The following ACOT7 variants were observed in gnomAD, a reference collection of about 807,000 sequenced individuals.
ACOT7 encodes the protein acyl-CoA thioesterase 7.
Under a neutral mutation model 40.2 loss-of-function variants are expected in ACOT7, and 12 were observed. The ratio of observed to expected loss-of-function variants is 0.30; its 90% CI spans 0.19 to 0.48. The LOEUF is 0.48. Among genes scored for constraint, ACOT7 ranks in the 20% least tolerant of loss-of-function variants. ACOT7 has a pLI of 0.99. For missense variants in ACOT7, 395 were observed against 530.8 expected, an observed-to-expected ratio of 0.74 and a Z score of 2.51; for synonymous variants, 228 against 219.5, an observed-to-expected ratio of 1.04 and a Z score of -0.34.
intron 3 of ACOT7, 132 bp downstream of exon 3, chr1:6,339,301 G>T: frequency 1.6e-6 from 2 of 1,277,710 alleles, no homozygotes; most frequent in Non-Finnish European, 1.1e-6. Context: ...CCAGGGCCAT[G>T]GTGGGAGGTG....
rs2076477 is a variant in ACOT7 at position 6,358,552 on chromosome 1, G to C, written c.144-8686C>G. Among the ~76,000 whole-genome samples the C allele has an allele frequency of 0.072, 11,030 of 152,286 alleles. 640 individuals are homozygous for C. The highest frequency in any genetic ancestry group is 0.15 in the African/African-American group (6,137 of 41,560). On this transcript the variant is annotated intron_variant, in intron 1 of 8. Coordinates refer to ENST00000361521, the MANE Select transcript of ACOT7 (RefSeq NM_007274.4). The surrounding 1 kb of genome is among the most constrained non-coding windows in gnomAD (Gnocchi z 4.1). ...CAGGTGCCTTCCTCCCTGGGGACTA[G>C]AGCAGGCAGGGGAGTGCCCTGGTCC...
Position 6,338,240 on chromosome 1 carries a change from G to A in ACOT7, c.418+1193C>T, listed in dbSNP as rs1001196514. Among the ~76,000 whole-genome samples, 3 of 152,180 alleles carry A rather than the reference G, an allele frequency of 2.0e-5. No homozygotes were observed. Among genetic ancestry groups the A allele is most frequent in the Non-Finnish European group, 4.4e-5 (3 of 68,028 alleles). ...CAGGCCATCCCTCCTCTCCAGGAAG[G>A]GGCCAAGGCTCCACCCCCAGCACAG... On this transcript the variant is annotated intron_variant, in intron 3 of 8. Transcript: ENST00000361521. The surrounding 1 kb of genome is among the most constrained non-coding windows in gnomAD (Gnocchi z 4.4).
rs11542479 is a variant in ACOT7, at chr1:6,393,579, G to A, written c.-180C>T. 51,129 of 473,110 alleles carry A rather than the reference G, an allele frequency of 0.11. 3,761 individuals are homozygous for A. The highest frequency in any genetic ancestry group is 0.28 in the African/African-American group (13,647 of 48,860). 29.3% of individuals were successfully genotyped at this position (473,110 alleles called of 1,614,324 possible). A position where few individuals can be genotyped will look rare whatever the true frequency, so the allele number is the denominator to read the frequency against. ...GCGGGCGTACGATTCTGGCGGCGTG[G>A]GGGCCCAGGCAGCCGCCGCTTCCAG... On this transcript the variant is annotated 5_prime_UTR_variant, in exon 1 of 9. Transcript: ENST00000361521.
rs533596261 is a variant in ACOT7 at position 6,274,760 on chromosome 1, G to C, written c.1014+6342C>G. Among the ~76,000 whole-genome samples the C allele has an allele frequency of 1.8e-4, 27 of 152,322 alleles. No individual in the cohort carries two copies. Among genetic ancestry groups the C allele is most frequent in the African/African-American group, 5.3e-4 (22 of 41,568 alleles). On this transcript the variant is annotated intron_variant, in intron 8 of 8. Transcript: ENST00000361521. This position sits in a 1 kb window ranked among gnomAD's most constrained non-coding sequence, Gnocchi z 5.9. ...CTGTGGAGGTTCAGTCACCTGCCCA[G>C]CACTGGTCCTGAGATCATCTGGGGC...
At chr1:6,324,813 T>G (rs1640753391) in intron 5 of ACOT7, among the ~76,000 whole-genome samples, 1 of 152,180 alleles carries the variant, frequency 6.6e-6, no homozygotes, top group Non-Finnish European at 1.5e-5. Context: ...GATCTCAAGA[T>G]CCTTAATTTA....
chr1:6,360,375 C>T (rs572682670), intron 1 of ACOT7, among the ~76,000 whole-genome samples: 2 of 152,348 alleles, frequency 1.3e-5, no homozygotes, highest in East Asian at 3.9e-4. Flanking sequence ...CCTGCCGGGG[C>T]CCAGGCCCGG....
intron 1 of ACOT7, among the ~76,000 whole-genome samples, chr1:6,383,174 C>G (rs1010879822): frequency 6.6e-6 from 1 of 151,152 alleles, no homozygotes; most frequent in Non-Finnish European, 1.5e-5. Context: ...CCACCATGCC[C>G]GGCTAAGATG....
chr1:6,333,075 C>T (rs1440591370), intron 4 of ACOT7, among the ~76,000 whole-genome samples: 2 of 152,160 alleles, frequency 1.3e-5, no homozygotes, highest in South Asian at 2.1e-4. Flanking sequence ...TCCTGGCTCC[C>T]GAAAGGACAT....
At chr1:6,368,035 G>A (rs55702497) in intron 1 of ACOT7, among the ~76,000 whole-genome samples, 13,982 of 152,102 alleles carry the variant, frequency 0.092, 948 homozygotes, top group African/African-American at 0.19. Flanking sequence ...GGCTGAGTCC[G>A]GGGTTTTTAT....
In ACOT7 at chr1:6,327,329, C is replaced by T. The variant is rs756878806; in HGVS notation, c.595G>A (p.Gly199Arg). ...TTGAGGACTGGCTGGACGATGTCCC[C>T]GTTCCTCCACTTGGTCTCCATGCGC... ...LERMETKWRN[G>R]DIVQPVLNPE... The change falls in exon 5 of 9, where the codon GGG becomes AGG. Residue 199 changes from glycine to arginine, a missense_variant. By Grantham distance (125) the Gly-to-Arg change is moderately radical. Around this residue, in one of 2 missense-constraint regions of ACOT7, gnomAD observed 309 missense variants for 470.3 expected, o/e 0.66. Coordinates refer to ENST00000361521, the MANE Select transcript of ACOT7 (RefSeq NM_007274.4). 10 of 1,614,056 alleles carry T rather than the reference C, an allele frequency of 6.2e-6. No homozygotes were observed. In the East Asian group the frequency reaches 8.9e-5, roughly 14 times the overall value.
At chr1:6,310,187 T>C (rs996298468) in intron 6 of ACOT7, among the ~76,000 whole-genome samples, 3 of 152,184 alleles carry the variant, frequency 2.0e-5, no homozygotes, top group Non-Finnish European at 4.4e-5. Flanking sequence ...AGTTGCCACT[T>C]GGAGGCGGGA....
chr1:6,335,928 T>C (rs1288043948), intron 3 of ACOT7, among the ~76,000 whole-genome samples: 2 of 152,206 alleles, frequency 1.3e-5, no homozygotes, highest in Admixed American at 6.5e-5. Context: ...GACAAGCCGG[T>C]TTCCATGACA....
intron 8 of ACOT7, among the ~76,000 whole-genome samples, chr1:6,265,694 T>C (rs1260385759): frequency 6.6e-6 from 1 of 152,230 alleles, no homozygotes; most frequent in African/African-American, 2.4e-5. Flanking sequence ...CCCAACGCCA[T>C]GTTCTGACTG....
At chr1:6,276,973 C>T (rs1003649219) in intron 8 of ACOT7, among the ~76,000 whole-genome samples, 4 of 152,052 alleles carry the variant, frequency 2.6e-5, no homozygotes, top group Admixed American at 6.5e-5. Context: ...GGCTGGCCCT[C>T]CTCCTGCACT....
chr1:6,295,930 G>A (rs1639800196), intron 6 of ACOT7, among the ~76,000 whole-genome samples: 1 of 151,950 alleles, frequency 6.6e-6, no homozygotes, highest in Non-Finnish European at 1.5e-5. Flanking sequence ...TTGAGACAGG[G>A]TCTCACTTTG....
At chr1:6,353,471 TAAA>T in intron 1 of ACOT7, among the ~76,000 whole-genome samples, 1 of 152,134 alleles carries the variant, frequency 6.6e-6, no homozygotes, top group East Asian at 1.9e-4. Context: ...CCATCTCTAC[TAAA>T]AATACAAAAA....
intron 5 of ACOT7, among the ~76,000 whole-genome samples, chr1:6,321,410 AT>A (rs1005833916): frequency 8.4e-4 from 128 of 151,956 alleles, no homozygotes; most frequent in African/African-American, 3.0e-3. Flanking sequence ...AGCCTGGTGT[AT>A]TTTTTTTACT....
At chr1:6,348,940 C>G (rs1380624078) in intron 2 of ACOT7, among the ~76,000 whole-genome samples, 1 of 152,220 alleles carries the variant, frequency 6.6e-6, no homozygotes, top group Admixed American at 6.5e-5. Context: ...ACTCTCCAAG[C>G]TGGGGCTGAG....
At chr1:6,349,981 AG>A in intron 1 of ACOT7, 115 bp from the exon 2 acceptor site, 1 of 1,016,694 alleles carries the variant, frequency 9.8e-7, no homozygotes, top group Non-Finnish European at 1.5e-6. Flanking sequence ...CGGAGGAAAG[AG>A]AACCTTCCCA....
Sources: allele counts gnomAD v4.1 joint callset (sites outside exome capture counted in the v4.1 genomes callset), GRCh38; gene constraint gnomAD v4.1.1; regional missense constraint gnomAD v4.1.1; non-coding constraint Gnocchi (gnomAD v3.1); transcripts MANE v1.5; gene names NCBI Gene and HGNC (gene_info 2026-07-23, HGNC 2026-07-21).